Variants in SPTSSA observed in about 807,000 individuals in gnomAD.
SPTSSA encodes the protein serine palmitoyltransferase small subunit A.
Under a neutral mutation model 9.1 loss-of-function variants are expected in SPTSSA, and 8 were observed. That is an observed-to-expected ratio of 0.88 (90% CI 0.51 to 1.58). The LOEUF is 1.58. Among genes scored for constraint, SPTSSA ranks in the 40% most tolerant of loss-of-function variants. The pLI is 0.00. For synonymous variants in SPTSSA, 42 were observed against 37.7 expected, an observed-to-expected ratio of 1.11 and a Z score of -0.41; for missense variants, 100 against 93.8, an observed-to-expected ratio of 1.07 and a Z score of -0.27.
chr14:34,451,249 G>T (rs1883515218), intron 1 of SPTSSA, among the ~76,000 whole-genome samples: 1 of 152,020 alleles, frequency 6.6e-6, no homozygotes. Context: ...ACCGGGAAAA[G>T]GTCATAGACC....
intron 1 of SPTSSA, among the ~76,000 whole-genome samples, chr14:34,436,647 C>A (rs985837429): frequency 6.6e-6 from 1 of 152,208 alleles, no homozygotes; most frequent in Non-Finnish European, 1.5e-5. Context: ...ATCTCTTCCA[C>A]AATTACATTA....
At chr14:34,438,612 C>T (rs763056303) in intron 1 of SPTSSA, among the ~76,000 whole-genome samples, 1 of 152,170 alleles carries the variant, frequency 6.6e-6, no homozygotes, top group Non-Finnish European at 1.5e-5. Context: ...CCTCTTCCTA[C>T]GAGTCCAATT....
chr14:34,459,434 C>T (rs1469199585), intron 1 of SPTSSA, among the ~76,000 whole-genome samples: 1 of 141,310 alleles, frequency 7.1e-6, no homozygotes, highest in African/African-American at 2.7e-5. Context: ...ACTCCAGCCT[C>T]GGCAACAGAG....
At chr14:34,439,061 A>G (rs140582985) in intron 1 of SPTSSA, among the ~76,000 whole-genome samples, 1 of 152,308 alleles carries the variant, frequency 6.6e-6, no homozygotes, top group Admixed American at 6.5e-5. Context: ...GGGAGTGAGT[A>G]CAGTAGAATA....
At chr14:34,444,438 C>T (rs1413299809) in intron 1 of SPTSSA, among the ~76,000 whole-genome samples, 1 of 152,138 alleles carries the variant, frequency 6.6e-6, no homozygotes, top group East Asian at 1.9e-4. Flanking sequence ...TAACTTACCA[C>T]GTTTTACATT....
chr14:34,434,122 A>G lies in SPTSSA; in HGVS notation c.*1079T>C, dbSNP rs1883201918. ...ATTCAGCAATATAAATACTAGATCA[A>G]TATTTAACCATCAAGGAAAAGATAT... On this transcript the variant is annotated 3_prime_UTR_variant, in exon 2 of 2. Coordinates refer to ENST00000298130, the MANE Select transcript of SPTSSA (RefSeq NM_138288.4). 6.6e-6 allele frequency: 1 copy of G among 152,226 alleles called. No individual in the cohort carries two copies. The highest frequency in any genetic ancestry group is 2.1e-4 in the South Asian group (1 of 4,832). The allele number at this position is 152,226 out of a possible 1,614,324, so 9.4% of individuals were successfully genotyped here. A position where few individuals can be genotyped will look rare whatever the true frequency, so the allele number is the denominator to read the frequency against.
intron 1 of SPTSSA, among the ~76,000 whole-genome samples, chr14:34,456,905 AAAAAG>A (rs532300675): frequency 7.8e-4 from 117 of 149,988 alleles, no homozygotes; most frequent in African/African-American, 2.8e-3. Flanking sequence ...TCTCAAAAAA[AAAAAG>A]AAAAGAAAAA....
chr14:34,449,249 G>C (rs1215383851), intron 1 of SPTSSA, among the ~76,000 whole-genome samples: 1 of 151,906 alleles, frequency 6.6e-6, no homozygotes, highest in Non-Finnish European at 1.5e-5. Flanking sequence ...CAAACAATTA[G>C]CCAGGCATGG....
chr14:34,445,169 CT>C (rs1352059584), intron 1 of SPTSSA, among the ~76,000 whole-genome samples: 12 of 151,356 alleles, frequency 7.9e-5, no homozygotes, highest in East Asian at 1.9e-4. Context: ...CTTTTTTTTT[CT>C]TTTTGGTAAA....
At chr14:34,437,090 G>A (rs1883252842) in intron 1 of SPTSSA, among the ~76,000 whole-genome samples, 2 of 152,136 alleles carry the variant, frequency 1.3e-5, no homozygotes, top group African/African-American at 4.8e-5. Context: ...AAATCCAAAG[G>A]CTGTTTGAAT....
chr14:34,435,762 T>G lies in SPTSSA; in HGVS notation c.113-458A>C, dbSNP rs1487009382. 2.0e-5 allele frequency among the ~76,000 whole-genome samples: 3 copies of G among 151,650 alleles called. No individual in the cohort carries two copies. In the Admixed American group the frequency reaches 2.0e-4, roughly 10 times the overall value. On this transcript the variant is annotated intron_variant, in intron 1 of 1. Transcript: ENST00000298130. ...CTCCTGTCTTAGCCTCCTGAGTAGCTGGGATTACAGGTGCCCGCCATGACA... is the reference window on the plus strand; with the variant it reads ...CTCCTGTCTTAGCCTCCTGAGTAGCGGGGATTACAGGTGCCCGCCATGACA...
In SPTSSA at chr14:34,447,610, T is replaced by G. The variant is rs72490910; in HGVS notation, c.113-12306A>C. Among the ~76,000 whole-genome samples the G allele has an allele frequency of 2.3e-4, 35 of 152,174 alleles. No individual in the cohort carries two copies. The East Asian group carries it at 6.4e-3, about 28-fold the overall frequency. On this transcript the variant is annotated intron_variant, in intron 1 of 1. Coordinates refer to ENST00000298130, the MANE Select transcript of SPTSSA (RefSeq NM_138288.4). The stretch of plus-strand genomic sequence containing the variant: ...AGTTTTGCTCATACTCTCACCTAAG[T>G]AAGAACCTGAACAAAAAGGGGGAAT...
intron 1 of SPTSSA, among the ~76,000 whole-genome samples, chr14:34,442,955 G>T (rs35653184): frequency 0.23 from 28,758 of 124,462 alleles, 3,252 homozygotes; most frequent in African/African-American, 0.37. Context: ...TGTCTAGGGG[G>T]GTGTGTGTGT....
chr14:34,458,583 G>A (rs934853106), intron 1 of SPTSSA, among the ~76,000 whole-genome samples: 1 of 150,308 alleles, frequency 6.7e-6, no homozygotes, highest in South Asian at 2.1e-4. Context: ...TGCAACCTTT[G>A]CCTCCTGGGT....
intron 1 of SPTSSA, among the ~76,000 whole-genome samples, chr14:34,437,886 G>A (rs889855333): frequency 5.3e-5 from 8 of 151,910 alleles, no homozygotes; most frequent in African/African-American, 7.3e-5. Context: ...CCACAGCCTC[G>A]ACCTCCCAGG....
At chr14:34,447,631 G>T (rs980167771) in intron 1 of SPTSSA, among the ~76,000 whole-genome samples, 5 of 152,038 alleles carry the variant, frequency 3.3e-5, no homozygotes, top group Admixed American at 3.3e-4. Context: ...ACAAAAAGGG[G>T]GAATTTTTTC....
chr14:34,443,990 G>A (rs998786637), intron 1 of SPTSSA, among the ~76,000 whole-genome samples: 3 of 152,226 alleles, frequency 2.0e-5, no homozygotes, highest in African/African-American at 7.2e-5. Flanking sequence ...CTCAGGGATA[G>A]AGAACCCAGC....
intron 1 of SPTSSA, among the ~76,000 whole-genome samples, chr14:34,448,193 T>C (rs1594622047): frequency 6.6e-6 from 1 of 151,418 alleles, no homozygotes; most frequent in African/African-American, 2.4e-5. Context: ...GAGGTGGAGG[T>C]TGCAGTGAGC....
intron 1 of SPTSSA, among the ~76,000 whole-genome samples, chr14:34,453,835 G>C (rs1344964944): frequency 1.3e-5 from 2 of 151,264 alleles, no homozygotes; most frequent in African/African-American, 4.9e-5. Context: ...ACATCTTCTA[G>C]AACACATAGC....
Sources: gnomAD v4.1 joint callset for allele counts (sites outside exome capture counted in the v4.1 genomes callset) on GRCh38, gnomAD v4.1.1 for gene constraint, MANE v1.5 for transcripts, NCBI Gene and HGNC (gene_info 2026-07-23, HGNC 2026-07-21) for gene names.